Variants in CADPS2 observed in about 807,000 individuals in gnomAD.
The protein encoded by CADPS2 is calcium dependent secretion activator 2, also known as calcium-dependent secretion activator 2.
A neutral mutation model predicts 172.5 loss-of-function variants in CADPS2; 93 were observed. That is an observed-to-expected ratio of 0.54 (90% CI 0.46 to 0.64). The LOEUF is 0.64. CADPS2 is among the 30% of genes least tolerant of loss of function. The pLI, the probability that CADPS2 is intolerant of heterozygous loss-of-function variation, is 0.00. For synonymous variants in CADPS2, 546 were observed against 555.2 expected (o/e 0.98, Z 0.23); for missense variants, 1,420 against 1,565.9 (o/e 0.91, Z 1.57).
At chr7:122,815,126 T>C (rs1246310662) in intron 1 of CADPS2, among the ~76,000 whole-genome samples, 2 of 152,162 alleles carry the variant, frequency 1.3e-5, no homozygotes, top group African/African-American at 2.4e-5. Flanking sequence ...GACTTCCATA[T>C]AGACTGCAAC....
At chr7:122,340,592 T>C (rs1340061474) in intron 28 of CADPS2, among the ~76,000 whole-genome samples, 1 of 152,132 alleles carries the variant, frequency 6.6e-6, no homozygotes, top group African/African-American at 2.4e-5. Flanking sequence ...AATCACCCCT[T>C]TCCAGCCCAG....
chr7:122,367,279 TATGAGAGAGAGAAA>T (rs533135493), intron 25 of CADPS2, among the ~76,000 whole-genome samples: 151 of 152,188 alleles, frequency 9.9e-4, no homozygotes, highest in African/African-American at 3.3e-3. Flanking sequence ...TATTCTAAGT[TATGAGAGAGAGAAA>T]GCGAGAGAGA....
intron 6 of CADPS2, among the ~76,000 whole-genome samples, chr7:122,589,983 A>G (rs1400653714): frequency 2.0e-5 from 3 of 151,940 alleles, no homozygotes; most frequent in Non-Finnish European, 4.4e-5. Flanking sequence ...GCAATCACGT[A>G]TACAGAACTT....
At chr7:122,474,648 A>G (rs2056417129) in intron 12 of CADPS2, 131 bp from the exon 13 acceptor site, 4 of 818,652 alleles carry the variant, frequency 4.9e-6, no homozygotes, top group Non-Finnish European at 5.6e-6. Context: ...TATGATGCCA[A>G]GAGTTCAGCA....
At chr7:122,782,576 A>C (rs564379756) in intron 1 of CADPS2, among the ~76,000 whole-genome samples, 4 of 152,210 alleles carry the variant, frequency 2.6e-5, no homozygotes, top group East Asian at 3.9e-4. Context: ...ATGCCATTGC[A>C]CTCCACCCTG....
At chr7:122,880,954 AT>A (rs938219381) in intron 1 of CADPS2, among the ~76,000 whole-genome samples, 1 of 152,212 alleles carries the variant, frequency 6.6e-6, no homozygotes, top group African/African-American at 2.4e-5. Flanking sequence ...GCAATGTCAC[AT>A]AACTATGCAA....
chr7:122,654,064 G>A (rs2135080235), intron 3 of CADPS2, among the ~76,000 whole-genome samples: 1 of 152,256 alleles, frequency 6.6e-6, no homozygotes, highest in East Asian at 1.9e-4. Context: ...AGAAGAGACG[G>A]GTCAAATGCT....
intron 9 of CADPS2, among the ~76,000 whole-genome samples, chr7:122,496,443 T>C (rs2058736403): frequency 6.6e-6 from 1 of 152,154 alleles, no homozygotes; most frequent in African/African-American, 2.4e-5. Flanking sequence ...GATTATGGCA[T>C]GAGTCACCAC....
intron 3 of CADPS2, among the ~76,000 whole-genome samples, chr7:122,636,707 C>A (rs934315518): frequency 6.6e-5 from 10 of 152,120 alleles, no homozygotes; most frequent in African/African-American, 2.4e-4. Context: ...CTGATGTGAT[C>A]CGCCTGCCTC....
intron 22 of CADPS2, 91 bp from the exon 23 acceptor site, chr7:122,388,829 C>A: frequency 8.5e-7 from 1 of 1,176,562 alleles, no homozygotes; most frequent in South Asian, 2.4e-5. Context: ...CATCAATTGC[C>A]ATCAGTGAAA....
intron 17 of CADPS2, among the ~76,000 whole-genome samples, chr7:122,432,911 T>C (rs1030050614): frequency 6.6e-6 from 1 of 151,928 alleles, no homozygotes; most frequent in Admixed American, 6.6e-5. Flanking sequence ...ACCAAGAACA[T>C]TTACAAGGTA....
At chr7:122,598,550 T>C (rs1037740816) in intron 6 of CADPS2, among the ~76,000 whole-genome samples, 2 of 152,202 alleles carry the variant, frequency 1.3e-5, no homozygotes, top group East Asian at 1.9e-4. Flanking sequence ...TATTTAATTA[T>C]GTAGTGGGTG....
chr7:122,444,278 T>C (rs1319384604), intron 15 of CADPS2, among the ~76,000 whole-genome samples: 4 of 152,172 alleles, frequency 2.6e-5, no homozygotes, highest in Non-Finnish European at 5.9e-5. Flanking sequence ...AGCAATCATA[T>C]AAAAGTCTGT....
intron 8 of CADPS2, among the ~76,000 whole-genome samples, chr7:122,527,653 T>TGTGTGTGTGTGTGTG (rs1435994129): frequency 2.2e-5 from 3 of 138,108 alleles, no homozygotes; most frequent in Non-Finnish European, 1.5e-5. Flanking sequence ...TGTGTGTGTG[T>TGTGTGTGTGTGTGTG]TTCCTGCAAG....
chr7:122,777,038 C>T (rs978804774), intron 1 of CADPS2, among the ~76,000 whole-genome samples: 9 of 152,100 alleles, frequency 5.9e-5, no homozygotes, highest in African/African-American at 1.9e-4. Context: ...GTAGTCCCAG[C>T]TACTCACGAG....
intron 25 of CADPS2, among the ~76,000 whole-genome samples, chr7:122,371,324 T>C (rs1354316920): frequency 2.0e-5 from 3 of 152,222 alleles, no homozygotes; most frequent in Non-Finnish European, 4.4e-5. Context: ...TGACTTATAG[T>C]TCTGCATTGC....
chr7:122,513,338 A>T (rs1210551944), intron 8 of CADPS2, 23 bp from the exon 9 acceptor site: 2 of 1,503,262 alleles, frequency 1.3e-6, no homozygotes, highest in Middle Eastern at 3.4e-4. Flanking sequence ...ACAAAAGCCA[A>T]AGAATACTTC....
At chr7:122,416,648 C>T (rs1400186076) in intron 17 of CADPS2, among the ~76,000 whole-genome samples, 1 of 152,178 alleles carries the variant, frequency 6.6e-6, no homozygotes, top group Non-Finnish European at 1.5e-5. Flanking sequence ...TACAAAGTCA[C>T]CTAAAACAAC....
intron 7 of CADPS2, among the ~76,000 whole-genome samples, chr7:122,578,514 T>G (rs2068349809): frequency 6.6e-6 from 1 of 152,102 alleles, no homozygotes; most frequent in South Asian, 2.1e-4. Flanking sequence ...TAGGAGGGCT[T>G]ATTAAAACAG....
Sources: allele counts gnomAD v4.1 joint callset (sites outside exome capture counted in the v4.1 genomes callset), GRCh38; gene constraint gnomAD v4.1.1; transcripts MANE v1.5; gene names NCBI Gene and HGNC (gene_info 2026-07-23, HGNC 2026-07-21).